The following KHDRBS3 variants were observed in gnomAD, a reference collection of about 807,000 sequenced individuals.
The protein encoded by KHDRBS3 is KH RNA binding domain containing, signal transduction associated 3.
KHDRBS3 carries 23 observed loss-of-function variants against 45.6 expected under a neutral mutation model. The observed-to-expected ratio is 0.50, with a 90% CI of 0.36 to 0.72. The LOEUF (loss-of-function observed/expected upper bound fraction) is 0.72. Among genes scored for constraint, KHDRBS3 ranks in the 30% least tolerant of loss-of-function variants. The pLI is 0.00. For missense variants in KHDRBS3, 352 were observed against 424.8 expected (o/e 0.83, Z 1.51); for synonymous variants, 162 against 156.5 (o/e 1.04, Z -0.26).
At chr8:135,510,614 T>A (rs989826406) in intron 1 of KHDRBS3, among the ~76,000 whole-genome samples, 16 of 152,186 alleles carry the variant, frequency 1.1e-4, no homozygotes, top group Admixed American at 7.2e-4. Flanking sequence ...TTTATATTTT[T>A]AGTAGAGACA....
chr8:135,545,945 C>T (rs1826280513), intron 3 of KHDRBS3, among the ~76,000 whole-genome samples: 2 of 152,144 alleles, frequency 1.3e-5, no homozygotes, highest in Non-Finnish European at 2.9e-5. Context: ...CGAGACCAGC[C>T]TGGCCAACAT....
intron 5 of KHDRBS3, among the ~76,000 whole-genome samples, chr8:135,581,664 T>G (rs545199016): frequency 6.6e-6 from 1 of 152,342 alleles, no homozygotes; most frequent in African/African-American, 2.4e-5. Context: ...AACTCCAGAC[T>G]TCTATATTGT....
At chr8:135,579,203 A>G (rs1445205315) in intron 5 of KHDRBS3, among the ~76,000 whole-genome samples, 2 of 152,138 alleles carry the variant, frequency 1.3e-5, no homozygotes, top group Non-Finnish European at 1.5e-5. Context: ...TTCTTGTCCT[A>G]TTGAAGTAGG....
At chr8:135,544,255 G>A (rs892501301) in intron 3 of KHDRBS3, among the ~76,000 whole-genome samples, 1 of 152,150 alleles carries the variant, frequency 6.6e-6, no homozygotes, top group African/African-American at 2.4e-5. Context: ...CCACTGCTTG[G>A]TCAGAAGCAG....
intron 7 of KHDRBS3, among the ~76,000 whole-genome samples, chr8:135,642,710 A>G (rs1025964077): frequency 3.9e-5 from 6 of 152,118 alleles, no homozygotes; most frequent in African/African-American, 1.2e-4. Flanking sequence ...TTGTAAGGAT[A>G]TGATTAAGCC....
At chr8:135,489,711 G>C (rs539625311) in intron 1 of KHDRBS3, among the ~76,000 whole-genome samples, 2 of 151,916 alleles carry the variant, frequency 1.3e-5, no homozygotes, top group South Asian at 4.2e-4. Context: ...TAAAACTAGA[G>C]TCAAAAAGTT....
At chr8:135,542,829 T>C (rs2130774933) in intron 3 of KHDRBS3, 59 bp downstream of exon 3, 1 of 1,100,636 alleles carries the variant, frequency 9.1e-7, no homozygotes, top group South Asian at 1.3e-5. Context: ...TGTGCTCTTA[T>C]ATTATCCACT....
intron 6 of KHDRBS3, among the ~76,000 whole-genome samples, chr8:135,595,690 TTGGCATCTCTCATC>T (rs1339454592): frequency 6.6e-6 from 1 of 152,196 alleles, no homozygotes; most frequent in Non-Finnish European, 1.5e-5. Flanking sequence ...CTAAAGACAC[TTGGCATCTCTCATC>T]TGGCACATCA....
chr8:135,488,392 A>T (rs1822974485), intron 1 of KHDRBS3, among the ~76,000 whole-genome samples: 1 of 152,190 alleles, frequency 6.6e-6, no homozygotes, highest in African/African-American at 2.4e-5. Flanking sequence ...ATTTACTGGG[A>T]TGTTAAAATA....
intron 1 of KHDRBS3, among the ~76,000 whole-genome samples, chr8:135,512,538 A>C (rs1027996810): frequency 2.0e-5 from 3 of 151,348 alleles, no homozygotes. Flanking sequence ...ATGAACTTCT[A>C]TTAATAGTTC....
At chr8:135,641,707 C>A (rs1467955902) in intron 7 of KHDRBS3, among the ~76,000 whole-genome samples, 1 of 152,236 alleles carries the variant, frequency 6.6e-6, no homozygotes, top group Non-Finnish European at 1.5e-5. Flanking sequence ...GGAAGCCACA[C>A]TCCCAAGGTG....
chr8:135,535,327 A>G (rs1825688729), intron 2 of KHDRBS3, among the ~76,000 whole-genome samples: 1 of 77,732 alleles, frequency 1.3e-5, no homozygotes, highest in Non-Finnish European at 2.3e-5. Flanking sequence ...ACTATTATAT[A>G]TAGTTAAACT....
chr8:135,542,584 C>T, intron 2 of KHDRBS3, 70 bp from the exon 3 acceptor site: 1 of 974,564 alleles, frequency 1.0e-6, no homozygotes, highest in South Asian at 1.3e-5. Flanking sequence ...TACAGTGTTT[C>T]TTAACATTCA....
chr8:135,522,628 A>T (rs1366078012), intron 2 of KHDRBS3, among the ~76,000 whole-genome samples: 1 of 152,090 alleles, frequency 6.6e-6, no homozygotes, highest in Admixed American at 6.6e-5. Context: ...TTCCTGTGGT[A>T]TGAAGTTGCA....
At chr8:135,511,986 A>G (rs1824312691) in intron 1 of KHDRBS3, among the ~76,000 whole-genome samples, 1 of 152,194 alleles carries the variant, frequency 6.6e-6, no homozygotes, top group Non-Finnish European at 1.5e-5. Flanking sequence ...TTAGACTGAT[A>G]TGTGTCTCTA....
chr8:135,523,807 G>T (rs972653271), intron 2 of KHDRBS3, among the ~76,000 whole-genome samples: 1 of 151,944 alleles, frequency 6.6e-6, no homozygotes, highest in Non-Finnish European at 1.5e-5. Flanking sequence ...TCTGATCCTC[G>T]GTGGTAAATT....
chr8:135,603,221 T>C (rs1409940353), intron 6 of KHDRBS3, among the ~76,000 whole-genome samples: 1 of 152,236 alleles, frequency 6.6e-6, no homozygotes, highest in Non-Finnish European at 1.5e-5. Flanking sequence ...ACACCTCATG[T>C]CATCCTACTT....
At chr8:135,497,622 A>G (rs1823525204) in intron 1 of KHDRBS3, among the ~76,000 whole-genome samples, 1 of 152,200 alleles carries the variant, frequency 6.6e-6, no homozygotes, top group Non-Finnish European at 1.5e-5. Context: ...AAAAAGTAAT[A>G]TATCAAAATA....
Position 135,647,245 on chromosome 8 carries a change from GA to G in KHDRBS3, c.*176del, listed in dbSNP as rs34118572. 0.011 allele frequency: 2,111 copies of G among 193,476 alleles called. No individual in the cohort carries two copies. Among genetic ancestry groups the G allele is most frequent in the Middle Eastern group, 0.016 (9 of 564 alleles). 12.0% of individuals were successfully genotyped at this position (193,476 alleles called of 1,614,324 possible). ...CTTTGTTGAAACATCAACCTGGGCA[GA>G]AAAAAAAAAAAAAAGACATGTAAAA... On this transcript the variant is annotated 3_prime_UTR_variant, in exon 9 of 9. Transcript: ENST00000355849.
Sources: allele counts gnomAD v4.1 joint callset (sites outside exome capture counted in the v4.1 genomes callset), GRCh38; gene constraint gnomAD v4.1.1; transcripts MANE v1.5; gene names NCBI Gene and HGNC (gene_info 2026-07-23, HGNC 2026-07-21).